The following OCA2 variants were observed in gnomAD, a reference collection of about 807,000 sequenced individuals.
OCA2 encodes OCA2 melanosomal transmembrane protein.
Under a neutral mutation model 100.2 loss-of-function variants are expected in OCA2, and 77 were observed. The ratio of observed to expected loss-of-function variants is 0.77; its 90% CI spans 0.64 to 0.93. The LOEUF is 0.93. OCA2 is among the 40% of genes least tolerant of loss of function. The pLI is 0.00. For synonymous variants in OCA2, 432 were observed against 439.2 expected (o/e 0.98, Z 0.21); for missense variants, 1,062 against 1,089.1 (o/e 0.98, Z 0.35).
At chr15:27,917,956 A>G (rs2038725160) in intron 19 of OCA2, among the ~76,000 whole-genome samples, 1 of 152,086 alleles carries the variant, frequency 6.6e-6, no homozygotes, top group African/African-American at 2.4e-5. Flanking sequence ...TGAAGATTCC[A>G]TTGTTCCTCA....
intron 9 of OCA2, among the ~76,000 whole-genome samples, chr15:27,994,267 T>G (rs2041651280): frequency 6.6e-6 from 1 of 152,080 alleles, no homozygotes. Flanking sequence ...TGCACACTCC[T>G]TATGAGAATC....
chr15:27,961,434 C>T (rs2140758733), intron 15 of OCA2, among the ~76,000 whole-genome samples: 1 of 152,322 alleles, frequency 6.6e-6, no homozygotes, highest in South Asian at 2.1e-4. Flanking sequence ...TTTGACCCAG[C>T]AATCCCATTA....
At chr15:27,823,595 G>GT (rs1024515758) in intron 23 of OCA2, among the ~76,000 whole-genome samples, 23 of 152,158 alleles carry the variant, frequency 1.5e-4, no homozygotes, top group African/African-American at 5.3e-4. Flanking sequence ...TTTTAACTGA[G>GT]TTTTTTTACA....
At chr15:28,070,261 G>A (rs1413170483) in intron 2 of OCA2, among the ~76,000 whole-genome samples, 1 of 141,424 alleles carries the variant, frequency 7.1e-6, no homozygotes, top group Non-Finnish European at 1.5e-5. Flanking sequence ...ACCCCATCTG[G>A]GAAGTGAGGA....
intron 23 of OCA2, among the ~76,000 whole-genome samples, chr15:27,824,755 T>A (rs1264832468): frequency 1.3e-5 from 2 of 151,638 alleles, no homozygotes; most frequent in Non-Finnish European, 2.9e-5. Context: ...GGCAACAAAC[T>A]TTTTTTGAAG....
At chr15:27,969,829 A>C (rs1326263382) in intron 14 of OCA2, among the ~76,000 whole-genome samples, 1 of 152,018 alleles carries the variant, frequency 6.6e-6, no homozygotes, top group East Asian at 1.9e-4. Flanking sequence ...CTCTGTGACA[A>C]GTCAAAATGG....
At chr15:28,013,818 T>G (rs772134946) in intron 9 of OCA2, among the ~76,000 whole-genome samples, 2 of 151,924 alleles carry the variant, frequency 1.3e-5, no homozygotes, top group African/African-American at 2.4e-5. Flanking sequence ...ATGGGAACCG[T>G]GAAACAACAG....
At chr15:27,922,685 G>GTGTA (rs2038904269) in intron 19 of OCA2, among the ~76,000 whole-genome samples, 1 of 39,208 alleles carries the variant, frequency 2.6e-5, no homozygotes, top group Non-Finnish European at 4.6e-5. Flanking sequence ...TTTGGGGTGT[G>GTGTA]TGTGTGTGTG....
chr15:28,023,218 A>G (rs146474598), intron 5 of OCA2, among the ~76,000 whole-genome samples: 4 of 152,250 alleles, frequency 2.6e-5, no homozygotes, highest in African/African-American at 9.6e-5. Flanking sequence ...GGAAGTGGGG[A>G]AGCAAATTGG....
At chr15:27,901,488 G>C (rs1473338180) in intron 19 of OCA2, among the ~76,000 whole-genome samples, 1 of 152,156 alleles carries the variant, frequency 6.6e-6, no homozygotes, top group Non-Finnish European at 1.5e-5. Context: ...TGCCCCTCAG[G>C]CCCATGAGGT....
At chr15:27,897,840 G>A (rs931880104) in intron 19 of OCA2, among the ~76,000 whole-genome samples, 6 of 152,172 alleles carry the variant, frequency 3.9e-5, no homozygotes, top group East Asian at 1.9e-4. Context: ...CGGGGACGGA[G>A]GCTGTACCCT....
At chr15:27,997,111 GAA>G in intron 9 of OCA2, among the ~76,000 whole-genome samples, 1 of 75,970 alleles carries the variant, frequency 1.3e-5, no homozygotes, top group Non-Finnish European at 4.4e-5. Context: ...AGAAAGAAAA[GAA>G]AGGAAGGAAG....
intron 2 of OCA2, among the ~76,000 whole-genome samples, chr15:28,071,719 C>T (rs557518622): frequency 8.5e-5 from 13 of 152,322 alleles, no homozygotes; most frequent in Non-Finnish European, 1.6e-4. Flanking sequence ...TAGCCATATG[C>T]AGAAGATTGA....
chr15:27,894,652 C>G (rs1452017584), intron 19 of OCA2, among the ~76,000 whole-genome samples: 1 of 152,206 alleles, frequency 6.6e-6, no homozygotes, highest in Non-Finnish European at 1.5e-5. Flanking sequence ...GCCCAGCCCA[C>G]AGATGAGATT....
intron 21 of OCA2, among the ~76,000 whole-genome samples, chr15:27,858,708 C>T (rs1231054445): frequency 6.6e-6 from 1 of 151,824 alleles, no homozygotes; most frequent in African/African-American, 2.4e-5. Context: ...ATATATGAAA[C>T]AAAAATTGGC....
chr15:27,770,440 TCTCCCTGAGAA>T (rs1477329330), intron 23 of OCA2, among the ~76,000 whole-genome samples: 2 of 152,112 alleles, frequency 1.3e-5, no homozygotes, highest in Non-Finnish European at 2.9e-5. Context: ...GCCTGTCTGC[TCTCCCTGAGAA>T]CCGGCATCCA....
chr15:28,096,841 C>G (rs1040634594), intron 1 of OCA2, among the ~76,000 whole-genome samples: 1 of 151,934 alleles, frequency 6.6e-6, no homozygotes, highest in Non-Finnish European at 1.5e-5. Context: ...GTTCGCAGGG[C>G]CCCCCGGGAC....
intron 23 of OCA2, among the ~76,000 whole-genome samples, chr15:27,807,607 C>A (rs1018386802): frequency 1.3e-5 from 2 of 152,094 alleles, no homozygotes; most frequent in African/African-American, 4.8e-5. Flanking sequence ...TGGAGGCTAA[C>A]AAATTATGGC....
chr15:27,919,683 A>T (rs1017977204), intron 19 of OCA2, among the ~76,000 whole-genome samples: 13 of 152,158 alleles, frequency 8.5e-5, no homozygotes, highest in African/African-American at 2.9e-4. Context: ...TCTGTATGAT[A>T]CCATAATGAT....
Sources: gnomAD v4.1 joint callset for allele counts (sites outside exome capture counted in the v4.1 genomes callset) on GRCh38, gnomAD v4.1.1 for gene constraint, MANE v1.5 for transcripts, NCBI Gene and HGNC (gene_info 2026-07-23, HGNC 2026-07-21) for gene names.